ARB2A: variants seen among roughly 807,000 people sequenced by gnomAD.
ARB2A encodes the protein ARB2 cotranscriptional regulator A.
At chr5:93,720,723 T>G in the ARB2A span, among the ~76,000 whole-genome samples, 1 of 152,222 alleles carries the variant, frequency 6.6e-6, no homozygotes, top group East Asian at 1.9e-4. Flanking sequence ...TGCTAATATA[T>G]TAACTTTAAC....
At chr5:93,772,286 A>G in the ARB2A span, among the ~76,000 whole-genome samples, 4 of 151,992 alleles carry the variant, frequency 2.6e-5, no homozygotes, top group Non-Finnish European at 5.9e-5. Context: ...AAGGGGAACA[A>G]CACACTCTGG....
chr5:93,980,132 ACTTT>A, the ARB2A span, among the ~76,000 whole-genome samples: 6 of 152,014 alleles, frequency 3.9e-5, no homozygotes, highest in African/African-American at 1.4e-4. Flanking sequence ...GTTGCATCCC[ACTTT>A]CTTTCTTCTT....
chr5:94,071,422 G>T, the ARB2A span, among the ~76,000 whole-genome samples: 1 of 151,940 alleles, frequency 6.6e-6, no homozygotes, highest in Non-Finnish European at 1.5e-5. Context: ...AAAAATGTTT[G>T]CCCTACGAAA....
chr5:94,058,136 A>C, the ARB2A span, among the ~76,000 whole-genome samples: 1 of 152,148 alleles, frequency 6.6e-6, no homozygotes, highest in Non-Finnish European at 1.5e-5. Context: ...GGAAACTCTA[A>C]AACTGTCATA....
the ARB2A span, among the ~76,000 whole-genome samples, chr5:93,860,022 C>T: frequency 6.6e-6 from 1 of 152,316 alleles, no homozygotes; most frequent in East Asian, 1.9e-4. Context: ...AGGCCAGGCG[C>T]AGTGGCTCAC....
chr5:93,767,178 T>G, the ARB2A span, among the ~76,000 whole-genome samples: 1 of 152,126 alleles, frequency 6.6e-6, no homozygotes, highest in Admixed American at 6.5e-5. Flanking sequence ...ACCTTAAAAC[T>G]TAAAGTATAA....
chr5:93,736,651 G>C, the ARB2A span: 1 of 152,186 alleles, frequency 6.6e-6, no homozygotes, highest in Admixed American at 6.5e-5. Context: ...TACTGGGGAA[G>C]GAAGTAGTGG....
the ARB2A span, among the ~76,000 whole-genome samples, chr5:94,084,591 C>T: frequency 6.6e-6 from 1 of 152,100 alleles, no homozygotes; most frequent in Non-Finnish European, 1.5e-5. Context: ...ACTGATAAGA[C>T]ACTCCTAAAG....
chr5:93,810,388 G>C, the ARB2A span, among the ~76,000 whole-genome samples: 1 of 151,670 alleles, frequency 6.6e-6, no homozygotes. Flanking sequence ...ACAATGCCTT[G>C]CTAAATAATG....
the ARB2A span, among the ~76,000 whole-genome samples, chr5:93,818,691 A>C: frequency 1.3e-5 from 2 of 152,184 alleles, no homozygotes; most frequent in South Asian, 4.1e-4. Flanking sequence ...TATACCTACA[A>C]GGGTGTGTCA....
chr5:93,645,885 T>C, the ARB2A span, among the ~76,000 whole-genome samples: 2 of 152,190 alleles, frequency 1.3e-5, no homozygotes, highest in Non-Finnish European at 2.9e-5. Flanking sequence ...AAGGTGAGTC[T>C]CTAGCAATTT....
At chr5:93,635,105 A>G in the ARB2A span, among the ~76,000 whole-genome samples, 1 of 152,132 alleles carries the variant, frequency 6.6e-6, no homozygotes, top group African/African-American at 2.4e-5. Flanking sequence ...AACTTTACCA[A>G]AAGATTGCAA....
At chr5:93,741,034 A>G in the ARB2A span, 2 of 1,613,744 alleles carry the variant, frequency 1.2e-6, no homozygotes, top group Non-Finnish European at 1.7e-6. Flanking sequence ...CAGCTTCCAC[A>G]TGTTGGCGAC....
At chr5:93,699,165 A>G in the ARB2A span, among the ~76,000 whole-genome samples, 1 of 152,318 alleles carries the variant, frequency 6.6e-6, no homozygotes, top group Non-Finnish European at 1.5e-5. Context: ...GAGATAGAAA[A>G]GTGGCACAGA....
the ARB2A span, among the ~76,000 whole-genome samples, chr5:93,988,324 C>G: frequency 6.6e-6 from 1 of 152,156 alleles, no homozygotes; most frequent in Non-Finnish European, 1.5e-5. Context: ...AGTCCCTCAT[C>G]TGGTCCCTAT....
the ARB2A span, among the ~76,000 whole-genome samples, chr5:93,833,249 A>G: frequency 6.6e-6 from 1 of 152,224 alleles, no homozygotes; most frequent in African/African-American, 2.4e-5. Context: ...AATAATTAAC[A>G]ATGCTAGTGT....
chr5:94,105,901 A>G, the ARB2A span, among the ~76,000 whole-genome samples: 4 of 152,160 alleles, frequency 2.6e-5, no homozygotes, highest in East Asian at 3.8e-4. Context: ...CCTATTCAAT[A>G]AAGAGTGCTG....
At chr5:94,018,022 C>A in the ARB2A span, among the ~76,000 whole-genome samples, 4 of 152,144 alleles carry the variant, frequency 2.6e-5, no homozygotes, top group African/African-American at 9.7e-5. Flanking sequence ...CTTGCTGCCA[C>A]CATGTAAAAA....
the ARB2A span, among the ~76,000 whole-genome samples, chr5:94,101,583 T>TACAC: frequency 2.6e-5 from 4 of 152,094 alleles, no homozygotes; most frequent in Non-Finnish European, 1.5e-5. Flanking sequence ...ATGTGGTAAA[T>TACAC]ACACACCATG....
Sources: gnomAD v4.1 joint callset for allele counts (sites outside exome capture counted in the v4.1 genomes callset) on GRCh38, gnomAD v4.1.1 for gene constraint, MANE v1.5 for transcripts, NCBI Gene and HGNC (gene_info 2026-07-23, HGNC 2026-07-21) for gene names.